The following MUC12 variants were observed in gnomAD, a reference collection of about 807,000 sequenced individuals.
MUC12 encodes the protein mucin 12, cell surface associated.
MUC12 carries 172 observed loss-of-function variants against 230.8 expected under a neutral mutation model. The ratio of observed to expected loss-of-function variants is 0.75; its 90% CI spans 0.66 to 0.85. The LOEUF (loss-of-function observed/expected upper bound fraction) is 0.85. MUC12 is among the 40% of genes least tolerant of loss of function. MUC12 has a pLI of 0.00. For synonymous variants in MUC12, 1,259 were observed against 2,401.9 expected, an observed-to-expected ratio of 0.52 and a Z score of 13.91; for missense variants, 3,506 against 5,920.6, an observed-to-expected ratio of 0.59 and a Z score of 13.38.
intron 1 of MUC12, among the ~76,000 whole-genome samples, chr7:100,985,719 G>A (rs1268472115): frequency 6.6e-6 from 1 of 152,164 alleles, no homozygotes; most frequent in African/African-American, 2.4e-5. Context: ...CAGGGTGGCT[G>A]AGGATTGTGG....
At position 101,004,356 on chromosome 7, in the gene MUC12, T is replaced by G; in HGVS notation, c.13793T>G (p.Leu4598Arg). The change falls in exon 2 of 12, where the codon CTC (leucine) becomes CGC (arginine). Residue 4598 changes from leucine to arginine, a missense_variant. Transcript: ENST00000536621. ...PSPARSTTSG[L>R]VEESTAYHSS... is the part of the protein sequence containing the mutation. ...CCTGCCCGCTCCACAACCTCAGGCC[T>G]CGTTGAAGAATCTACGGCGTACCAC... The G allele has an allele frequency of 7.2e-7, 1 of 1,391,310 alleles. No homozygotes were observed. Among genetic ancestry groups the G allele is most frequent in the South Asian group, 1.3e-5 (1 of 76,616 alleles). 86.2% of individuals were successfully genotyped at this position (1,391,310 alleles called of 1,614,324 possible).
At chr7:100,987,718 A>G (rs968899628) in intron 1 of MUC12, among the ~76,000 whole-genome samples, 2 of 152,076 alleles carry the variant, frequency 1.3e-5, no homozygotes, top group Admixed American at 6.6e-5. Flanking sequence ...CGCGCCTGTA[A>G]TCCCAGCACT....
At chr7:101,014,242 C>T (rs543387274) in intron 9 of MUC12, 168 bp downstream of exon 9, 16 of 682,820 alleles carry the variant, frequency 2.3e-5, no homozygotes, top group Middle Eastern at 4.2e-4. Flanking sequence ...CAGCAAAGGG[C>T]GGCCTTCCTG....
At chr7:101,009,698 CTG>C (rs1037710068) in intron 5 of MUC12, among the ~76,000 whole-genome samples, 48 of 152,060 alleles carry the variant, frequency 3.2e-4, no homozygotes, top group African/African-American at 1.2e-3. Flanking sequence ...AACAGCAAAA[CTG>C]AGGCTTGAAG....
At chr7:100,981,120 T>C (rs887201814) in intron 1 of MUC12, among the ~76,000 whole-genome samples, 3 of 152,208 alleles carry the variant, frequency 2.0e-5, no homozygotes, top group Non-Finnish European at 4.4e-5. Context: ...TTTCTTTGCT[T>C]CCTGGTGAAA....
In MUC12 at chr7:101,013,151, C is replaced by T; in HGVS notation, c.15638+9C>T. On this transcript the variant is annotated intron_variant, in intron 8 of 11. Coordinates refer to ENST00000536621, the MANE Select transcript of MUC12 (RefSeq NM_001164462.2). ...AGTGGCCCCCGCTGCCTGTGAGTGT[C>T]CCCATAAGCCCAGCACCCACTCTGT... 2 of 1,537,124 alleles carry T rather than the reference C, an allele frequency of 1.3e-6. No individual in the cohort carries two copies. The highest frequency in any genetic ancestry group is 1.7e-6 in the Non-Finnish European group (2 of 1,146,852).
chr7:101,017,733 G>T, intron 11 of MUC12, 70 bp downstream of exon 11: 1 of 1,064,980 alleles, frequency 9.4e-7, no homozygotes, highest in South Asian at 2.0e-5. Flanking sequence ...CTCTTCCCCC[G>T]GGACTCCCTT....
chr7:101,006,251 C>T (rs996815162), intron 2 of MUC12, among the ~76,000 whole-genome samples: 3 of 152,058 alleles, frequency 2.0e-5, no homozygotes. Context: ...ATAGCTGGAC[C>T]TCTTGTATCT....
At chr7:100,980,439 T>A (rs1321192150) in intron 1 of MUC12, among the ~76,000 whole-genome samples, 1 of 152,236 alleles carries the variant, frequency 6.6e-6, no homozygotes, top group Non-Finnish European at 1.5e-5. Context: ...TATATTTTAA[T>A]GGCTGATTAC....
intron 3 of MUC12, among the ~76,000 whole-genome samples, chr7:101,008,372 C>T (rs1290130592): frequency 1.3e-5 from 2 of 152,108 alleles, no homozygotes; most frequent in Non-Finnish European, 2.9e-5. Context: ...ACTGGGATTA[C>T]AGGTGTGAGC....
At chr7:101,018,559 G>A (rs917155998) in intron 11 of MUC12, 36 bp from the exon 12 acceptor site, 5 of 1,533,186 alleles carry the variant, frequency 3.3e-6, no homozygotes, top group Non-Finnish European at 4.4e-6. Context: ...TCCCGGGTCT[G>A]CCCCTTGGCC....
chr7:101,009,236 G>A (rs1005577084), intron 5 of MUC12, 77 bp downstream of exon 5: 1 of 1,385,206 alleles, frequency 7.2e-7, no homozygotes, highest in Non-Finnish European at 9.9e-7. Context: ...CTCCTATCAT[G>A]AATGGCTAGA....
chr7:100,995,965 A>C lies in MUC12; in HGVS notation c.5402A>C (p.His1801Pro), dbSNP rs1207088371. ...CGTAGTGAAGAATCAAGAACTTCCC[A>C]CAGCAGCACAACACACACAATATCT... ...SGRSEESRTS[H>P]SSTTHTISSP... The change falls in exon 2 of 12, where the codon CAC (histidine) becomes CCC (proline). Residue 1801 changes from histidine (H) to proline (P), a missense_variant. Coordinates refer to ENST00000536621, the MANE Select transcript of MUC12 (RefSeq NM_001164462.2). 3.3e-6 allele frequency: 3 copies of C among 908,836 alleles called. No individual in the cohort carries two copies. Among genetic ancestry groups the C allele is most frequent in the African/African-American group, 2.6e-5 (1 of 38,060 alleles). The allele number at this position is 908,836 out of a possible 1,614,324, so 56.3% of individuals were successfully genotyped here.
At chr7:101,015,465 T>A (rs1253894034) in intron 9 of MUC12, 150 bp from the exon 10 acceptor site, 1 of 652,432 alleles carries the variant, frequency 1.5e-6, no homozygotes, top group Non-Finnish European at 2.6e-6. Flanking sequence ...GCCATGGTGA[T>A]GCTACTTTTT....
chr7:100,991,910 A>C lies in MUC12; in HGVS notation c.1347A>C (p.Thr449=), dbSNP rs775860615. The change falls in exon 2 of 12, where the codon ACA becomes ACC. Residue 449 remains threonine (T), a synonymous_variant. Coordinates refer to ENST00000536621, the MANE Select transcript of MUC12 (RefSeq NM_001164462.2). ...ASHSSPDAMA[T]TVLPAGSTPS... is the part of the protein sequence containing the mutation. ...ACAGCAGCCCAGATGCAATGGCAAC[A>C]ACAGTCTTACCTGCCGGCTCTACAC... 6.5e-7 allele frequency: 1 copy of C among 1,537,038 alleles called. No homozygotes were observed. The highest frequency in any genetic ancestry group is 8.7e-7 in the Non-Finnish European group (1 of 1,146,844).
At position 101,005,395 on chromosome 7, in the gene MUC12, C is replaced by T; in HGVS notation, c.14832C>T (p.Tyr4944=). ...TCTACATCAGCCCATCCCCTACTTA[C>T]ACAACACTCTTTCCTGCGAGTTCCA... ...TTFYISPSPT[Y]TTLFPASSST... is the part of the protein sequence containing the mutation. The change falls in exon 2 of 12, where the codon TAC becomes TAT. Residue 4944 remains tyrosine, a synonymous_variant. Coordinates refer to ENST00000536621, the MANE Select transcript of MUC12 (RefSeq NM_001164462.2). 1 of 1,537,888 alleles carries T rather than the reference C, an allele frequency of 6.5e-7. No individual in the cohort carries two copies. Among genetic ancestry groups the T allele is most frequent in the Non-Finnish European group, 8.7e-7 (1 of 1,147,056 alleles).
At chr7:101,016,908 G>A (rs1793932402) in intron 10 of MUC12, 1 of 152,538 alleles carries the variant, frequency 6.6e-6, no homozygotes. Flanking sequence ...TGAATCTCCG[G>A]GAGGGGTCTG....
At chr7:101,010,043 G>C (rs1264990140) in intron 5 of MUC12, among the ~76,000 whole-genome samples, 1 of 152,190 alleles carries the variant, frequency 6.6e-6, no homozygotes, top group Non-Finnish European at 1.5e-5. Context: ...GCCTACACCA[G>C]ATAGGTGACA....
In MUC12 at chr7:100,992,056, G is replaced by C. The variant is rs1420787082; in HGVS notation, c.1493G>C (p.Ser498Thr). Residue 498 changes from serine (S) to threonine (T), a missense_variant, in exon 2 of 12, where the codon AGT becomes ACT. Transcript: ENST00000536621. ...GLSEKSTTFYSSPRSPDTTHL... is the reference protein window; with the variant it reads ...GLSEKSTTFYTSPRSPDTTHL... Reference sequence around the variant, plus strand: ...AGTGAGAAATCTACCACTTTCTACAGTAGCCCCAGATCACCAGACACAACA... The same window carrying C: ...AGTGAGAAATCTACCACTTTCTACACTAGCCCCAGATCACCAGACACAACA... The C allele has an allele frequency of 2.6e-6, 4 of 1,537,862 alleles. No individual in the cohort carries two copies. The highest frequency in any genetic ancestry group is 2.7e-5 in the African/African-American group (2 of 73,048).
Sources: gnomAD v4.1 joint callset for allele counts (sites outside exome capture counted in the v4.1 genomes callset) on GRCh38, gnomAD v4.1.1 for gene constraint, MANE v1.5 for transcripts, NCBI Gene and HGNC (gene_info 2026-07-23, HGNC 2026-07-21) for gene names.